The following FEM1A variants were observed in gnomAD, a reference collection of about 807,000 sequenced individuals.
FEM1A encodes fem-1 homolog A.
In FEM1A, 1 loss-of-function variant was observed where a neutral mutation model predicts 0.7. The observed-to-expected ratio is 1.35, with a 90% CI of 0.48 to 6.40. FEM1A has a LOEUF of 6.40. FEM1A is among the 30% of genes most tolerant of loss of function. The pLI is 0.14. For missense variants in FEM1A, 721 were observed against 918.7 expected (o/e 0.78, Z 2.78); for synonymous variants, 391 against 420.6 (o/e 0.93, Z 0.86).
chr19:4,799,923 A>AAAAATAAAAT lies in FEM1A; in HGVS notation c.*6063_*6064insTAAAATAAAA, dbSNP rs2093566478. 1 of 146,074 alleles carries AAAAATAAAAT rather than the reference A, an allele frequency of 6.8e-6. No homozygotes were observed. Among genetic ancestry groups the AAAAATAAAAT allele is most frequent in the African/African-American group, 2.5e-5 (1 of 39,564 alleles). The allele number at this position is 146,074 out of a possible 1,614,324, so 9.0% of individuals were successfully genotyped here. On this transcript the variant is annotated 3_prime_UTR_variant, in exon 1 of 1. Transcript: ENST00000269856. ...CTGTCTCAAAAAAAAAAAAAAAAAA[A>AAAAATAAAAT]AAAAAAAAAATGGGGCCATCAATGC...
rs34120144 is a variant in FEM1A at position 4,795,702 on chromosome 19, CTTT to C, written c.*1851_*1853del. 6 of 137,358 alleles carry C rather than the reference CTTT, an allele frequency of 4.4e-5. No homozygotes were observed. Among genetic ancestry groups the C allele is most frequent in the Admixed American group, 7.4e-5 (1 of 13,480 alleles). 8.5% of individuals were successfully genotyped at this position (137,358 alleles called of 1,614,324 possible). A position where few individuals can be genotyped will look rare whatever the true frequency, so the allele number is the denominator to read the frequency against. On this transcript the variant is annotated 3_prime_UTR_variant, in exon 1 of 1. Transcript: ENST00000269856. ...GGGGTTTCTGTGTTACATACTGGGGCTTTTTTTTTTTTTTTGAGACAGAGTCTC... is the reference window on the plus strand; with the variant it reads ...GGGGTTTCTGTGTTACATACTGGGGCTTTTTTTTTTTTGAGACAGAGTCTC...
Position 4,798,420 on chromosome 19 carries a change from A to G in FEM1A, c.*4556A>G, listed in dbSNP as rs2093564207. ...TCAGGAGACCAAGACCATCCTGGCT[A>G]ACACGGTGAAACCCCGTCTCTCTAC... On this transcript the variant is annotated 3_prime_UTR_variant, in exon 1 of 1. Coordinates refer to ENST00000269856, the MANE Select transcript of FEM1A (RefSeq NM_018708.3). 7.0e-6 allele frequency: 1 copy of G among 142,416 alleles called. No homozygotes were observed. The highest frequency in any genetic ancestry group is 1.5e-5 in the Non-Finnish European group (1 of 64,864). The allele number at this position is 142,416 out of a possible 1,614,324, so 8.8% of individuals were successfully genotyped here. A position where few individuals can be genotyped will look rare whatever the true frequency, so the allele number is the denominator to read the frequency against.
In FEM1A at chr19:4,792,889, C is replaced by G. The variant is rs2093556317; in HGVS notation, c.1035C>G (p.Val345=). 6.2e-7 allele frequency: 1 copy of G among 1,612,270 alleles called. No individual in the cohort carries two copies. Among genetic ancestry groups the G allele is most frequent in the African/African-American group, 1.3e-5 (1 of 74,878 alleles). ...YLPKPEPPQL[V]LAYDYSREVN... is the part of the protein sequence containing the mutation. The stretch of plus-strand genomic sequence containing the variant: ...CCAAACCGGAGCCCCCACAGCTGGT[C>G]CTGGCCTATGACTATTCCAGGGAGG... The change falls in exon 1 of 1, where the codon GTC becomes GTG. Residue 345 remains valine (V), a synonymous_variant. Coordinates refer to ENST00000269856, the MANE Select transcript of FEM1A (RefSeq NM_018708.3). The surrounding 1 kb of genome is among the most constrained non-coding windows in gnomAD (Gnocchi z 6.7).
In FEM1A at chr19:4,793,595, A is replaced by G. The variant is rs1247366576; in HGVS notation, c.1741A>G (p.Asn581Asp). Residue 581 changes from asparagine (N) to aspartate (D), a missense_variant, in exon 1 of 1, where the codon AAC becomes GAC. By Grantham distance (23) the Asn-to-Asp change is conservative. Around this residue, in one of 4 missense-constraint regions of FEM1A, gnomAD observed 379 missense variants for 454.8 expected, o/e 0.83. Coordinates refer to ENST00000269856, the MANE Select transcript of FEM1A (RefSeq NM_018708.3). This position sits in a 1 kb window ranked among gnomAD's most constrained non-coding sequence, Gnocchi z 5.1. ...GADPDSRDFD[N>D]NTPLHIAAQN... The stretch of plus-strand genomic sequence containing the variant: ...CGACCCGGACAGCAGGGATTTTGAC[A>G]ACAACACCCCGCTACACATAGCAGC... 6.2e-7 allele frequency: 1 copy of G among 1,612,800 alleles called. No homozygotes were observed. The highest frequency in any genetic ancestry group is 8.5e-7 in the Non-Finnish European group (1 of 1,179,812).
At position 4,798,944 on chromosome 19, in the gene FEM1A, G is replaced by A. The variant is rs1262897473; in HGVS notation, c.*5080G>A. 1 of 152,132 alleles carries A rather than the reference G, an allele frequency of 6.6e-6. No individual in the cohort carries two copies. The highest frequency in any genetic ancestry group is 2.4e-5 in the African/African-American group (1 of 41,400). The allele number at this position is 152,132 out of a possible 1,614,324, so 9.4% of individuals were successfully genotyped here. A position where few individuals can be genotyped will look rare whatever the true frequency, so the allele number is the denominator to read the frequency against. Reference sequence around the variant, plus strand: ...CTCAGACCTGGGGATTGTAACTTTAGCCTCATACCTTCTAATGAAGGCCAT... The same window carrying A: ...CTCAGACCTGGGGATTGTAACTTTAACCTCATACCTTCTAATGAAGGCCAT... On this transcript the variant is annotated 3_prime_UTR_variant, in exon 1 of 1. Transcript: ENST00000269856.
chr19:4,793,678 C>T lies in FEM1A; in HGVS notation c.1824C>T (p.Asp608=), dbSNP rs1285564790. The T allele has an allele frequency of 1.9e-6, 3 of 1,613,020 alleles. No individual in the cohort carries two copies. The highest frequency in any genetic ancestry group is 2.5e-6 in the Non-Finnish European group (3 of 1,179,822). ...NALIEAGAHM[D]ATNAFKKTAY... is the part of the protein sequence containing the mutation. ...TGATCGAAGCAGGGGCCCACATGGA[C>T]GCCACCAATGCCTTCAAGAAGACGG... is the stretch of plus-strand genomic sequence containing the variant. The change falls in exon 1 of 1, where the codon GAC becomes GAT. Residue 608 remains aspartate, a synonymous_variant. Transcript: ENST00000269856. This position sits in a 1 kb window ranked among gnomAD's most constrained non-coding sequence, Gnocchi z 5.1.
rs1456304807 is a variant in FEM1A, at chr19:4,800,438, A to C, written c.*6574A>C. 5.9e-5 allele frequency: 9 copies of C among 152,406 alleles called. No homozygotes were observed. The highest frequency in any genetic ancestry group is 5.9e-4 in the Admixed American group (9 of 15,278). 9.4% of individuals were successfully genotyped at this position (152,406 alleles called of 1,614,324 possible). Reference sequence around the variant, plus strand: ...CGACTGCCCTTCCCAGCCTGCTGCCAGTCTGATTCCACAGAACTGAAGTCG... The same window carrying C: ...CGACTGCCCTTCCCAGCCTGCTGCCCGTCTGATTCCACAGAACTGAAGTCG... On this transcript the variant is annotated 3_prime_UTR_variant, in exon 1 of 1. Coordinates refer to ENST00000269856, the MANE Select transcript of FEM1A (RefSeq NM_018708.3).
In FEM1A at chr19:4,796,931, A is replaced by G. The variant is rs192020110; in HGVS notation, c.*3067A>G. 1.4e-4 allele frequency: 22 copies of G among 152,214 alleles called. No homozygotes were observed. The highest frequency in any genetic ancestry group is 3.4e-3 in the Middle Eastern group (1 of 294). The allele number at this position is 152,214 out of a possible 1,614,324, so 9.4% of individuals were successfully genotyped here. Reference sequence around the variant, plus strand: ...TGTATGCCTGTTTGGTGTTGCATCAAAGGAGTGGGTTTGAATCAGCAGGTG... The same window carrying G: ...TGTATGCCTGTTTGGTGTTGCATCAGAGGAGTGGGTTTGAATCAGCAGGTG... On this transcript the variant is annotated 3_prime_UTR_variant, in exon 1 of 1. Transcript: ENST00000269856.
In FEM1A at chr19:4,792,830, A is replaced by G. The variant is rs1405428500; in HGVS notation, c.976A>G (p.Met326Val). ...GGCCCTTAAACACTGGAGGCGGGCC[A>G]TGGAGCTGCGTCACCAGGGGGGCGA... Reference protein sequence around the residue: ...LGALKHWRRAMELRHQGGEYL... With the variant: ...LGALKHWRRAVELRHQGGEYL... Residue 326 changes from methionine (M) to valine (V), a missense_variant, in exon 1 of 1, where the codon ATG becomes GTG. This residue lies in a region of FEM1A where 379 missense variants were observed against 454.8 expected (regional missense o/e 0.83). Coordinates refer to ENST00000269856, the MANE Select transcript of FEM1A (RefSeq NM_018708.3). The surrounding 1 kb of genome is among the most constrained non-coding windows in gnomAD (Gnocchi z 6.7). 1.2e-6 allele frequency: 2 copies of G among 1,612,056 alleles called. No homozygotes were observed. Among genetic ancestry groups the G allele is most frequent in the Admixed American group, 1.7e-5 (1 of 59,984 alleles).
chr19:4,799,918 A>AAAAAAAAAAAT lies in FEM1A; in HGVS notation c.*6064_*6065insTAAAAAAAAAA, dbSNP rs1568361660. The AAAAAAAAAAAT allele has an allele frequency of 4.6e-4, 67 of 145,110 alleles. No individual in the cohort carries two copies. The highest frequency in any genetic ancestry group is 1.7e-3 in the African/African-American group (66 of 39,458). 9.0% of individuals were successfully genotyped at this position (145,110 alleles called of 1,614,324 possible). A position where few individuals can be genotyped will look rare whatever the true frequency, so the allele number is the denominator to read the frequency against. ...AGACTCTGTCTCAAAAAAAAAAAAA[A>AAAAAAAAAAAT]AAAAAAAAAAAAAAATGGGGCCATC... On this transcript the variant is annotated 3_prime_UTR_variant, in exon 1 of 1. Coordinates refer to ENST00000269856, the MANE Select transcript of FEM1A (RefSeq NM_018708.3).
Position 4,799,183 on chromosome 19 carries a change from G to A in FEM1A, c.*5319G>A, listed in dbSNP as rs1005173560. The A allele has an allele frequency of 6.6e-6, 1 of 152,252 alleles. No individual in the cohort carries two copies. Among genetic ancestry groups the A allele is most frequent in the African/African-American group, 2.4e-5 (1 of 41,416 alleles). The allele number at this position is 152,252 out of a possible 1,614,324, so 9.4% of individuals were successfully genotyped here. ...TAATTCCAGCACTTTGGGAGACCGA[G>A]GCAGGTGGATCACGAGGTCAGGAGT... On this transcript the variant is annotated 3_prime_UTR_variant, in exon 1 of 1. Coordinates refer to ENST00000269856, the MANE Select transcript of FEM1A (RefSeq NM_018708.3).
Position 4,792,760 on chromosome 19 carries a change from A to G in FEM1A, c.906A>G (p.Glu302=). The G allele has an allele frequency of 6.2e-7, 1 of 1,612,066 alleles. No homozygotes were observed. Among genetic ancestry groups the G allele is most frequent in the South Asian group, 1.1e-5 (1 of 90,998 alleles). The change falls in exon 1 of 1, where the codon GAA becomes GAG. Residue 302 remains glutamate (E), a synonymous_variant. Transcript: ENST00000269856. The surrounding 1 kb of genome is among the most constrained non-coding windows in gnomAD (Gnocchi z 6.7). ...GGGAAGCTGCCGTGGAAGCCTTGGA[A>G]TTGCTGGGAGCTACGTATGTGGATA... The part of the protein sequence containing the change: ...TSREAAVEAL[E]LLGATYVDKK...
At position 4,791,945 on chromosome 19, in the gene FEM1A, C is replaced by T. The variant is rs1297596689; in HGVS notation, c.91C>T (p.Leu31=). The change falls in exon 1 of 1, where the codon CTG becomes TTG. Residue 31 remains leucine (L), a synonymous_variant. Coordinates refer to ENST00000269856, the MANE Select transcript of FEM1A (RefSeq NM_018708.3). Reference sequence around the variant, plus strand: ...GCTCAGCGGCCGGAGCCGGGAGGAACTGGACGAGCTGACGGGCGAGGTGGC... The same window carrying T: ...GCTCAGCGGCCGGAGCCGGGAGGAATTGGACGAGCTGACGGGCGAGGTGGC... ...KLLSGRSREE[L]DELTGEVAGG... 4 of 1,531,134 alleles carry T rather than the reference C, an allele frequency of 2.6e-6. No individual in the cohort carries two copies. The East Asian group carries it at 7.4e-5, about 28-fold the overall frequency. The allele number at this position is 1,531,134 out of a possible 1,614,324, so 94.8% of individuals were successfully genotyped here.
Position 4,793,297 on chromosome 19 carries a change from GCC to G in FEM1A, c.1445_1446del (p.Pro482GlnfsTer98). On this transcript the variant is annotated frameshift_variant, in exon 1 of 1. Transcript: ENST00000269856. LOFTEE classifies it low-confidence loss of function (END_TRUNC). The surrounding 1 kb of genome is among the most constrained non-coding windows in gnomAD (Gnocchi z 5.1). Reference sequence around the variant, plus strand: ...GGGAAGTGGAACGGGCCCTGCAGCTGCCCAGGGAGCCCGGAGACTCAGCCCAG... The same window carrying G: ...GGGAAGTGGAACGGGCCCTGCAGCTGCAGGGAGCCCGGAGACTCAGCCCAG... ...VREVERALQL[P>X]REPGDSAQFT... 6.2e-7 allele frequency: 1 copy of G among 1,612,966 alleles called. No homozygotes were observed. The highest frequency in any genetic ancestry group is 8.5e-7 in the Non-Finnish European group (1 of 1,179,888).
rs2093559503 is a variant in FEM1A, at chr19:4,795,012, C to G, written c.*1148C>G. 6.0e-6 allele frequency: 1 copy of G among 166,938 alleles called. No homozygotes were observed. The highest frequency in any genetic ancestry group is 2.4e-5 in the African/African-American group (1 of 41,394). The allele number at this position is 166,938 out of a possible 1,614,324, so 10.3% of individuals were successfully genotyped here. On this transcript the variant is annotated 3_prime_UTR_variant, in exon 1 of 1. Transcript: ENST00000269856. ...TTTCAGCTGCTCCAAGGATTGAGAC[C>G]CAAGTCATCATGAAAAAGGCCCAAG...
chr19:4,796,628 T>A lies in FEM1A; in HGVS notation c.*2764T>A, dbSNP rs1419014627. The stretch of plus-strand genomic sequence containing the variant: ...CACCCCGTTAGCTGGGTCCATGGGA[T>A]TTTGCTGAGCCCCTGCCATGTGCCA... On this transcript the variant is annotated 3_prime_UTR_variant, in exon 1 of 1. Coordinates refer to ENST00000269856, the MANE Select transcript of FEM1A (RefSeq NM_018708.3). The A allele has an allele frequency of 6.6e-6, 1 of 152,202 alleles. No homozygotes were observed. The allele number at this position is 152,202 out of a possible 1,614,324, so 9.4% of individuals were successfully genotyped here. A position where few individuals can be genotyped will look rare whatever the true frequency, so the allele number is the denominator to read the frequency against.
Position 4,792,705 on chromosome 19 carries a change from A to C in FEM1A, c.851A>C (p.Glu284Ala), listed in dbSNP as rs777884639. Reference protein sequence around the residue: ...SSSPEEPLNGESYESCCPTSR... With the variant: ...SSSPEEPLNGASYESCCPTSR... ...TCCCCAGAGGAACCACTGAACGGGG[A>C]ATCTTACGAAAGCTGCTGTCCCACC... Residue 284 changes from glutamate to alanine, a missense_variant, in exon 1 of 1, where the codon GAA becomes GCA. Coordinates refer to ENST00000269856, the MANE Select transcript of FEM1A (RefSeq NM_018708.3). This position sits in a 1 kb window ranked among gnomAD's most constrained non-coding sequence, Gnocchi z 6.7. The C allele has an allele frequency of 1.9e-6, 3 of 1,612,084 alleles. No individual in the cohort carries two copies. The highest frequency in any genetic ancestry group is 2.5e-6 in the Non-Finnish European group (3 of 1,179,844).
rs1044409 is a variant in FEM1A, at chr19:4,795,330, G to A, written c.*1466G>A. On this transcript the variant is annotated 3_prime_UTR_variant, in exon 1 of 1. Transcript: ENST00000269856. ...GCCCTTAGGAGGAGCAGTGACCGGGGGTGTCCAGAAATATCCTGTCCCTGG... is the reference window on the plus strand; with the variant it reads ...GCCCTTAGGAGGAGCAGTGACCGGGAGTGTCCAGAAATATCCTGTCCCTGG... The A allele has an allele frequency of 0.21, 34,798 of 166,244 alleles. 3,970 individuals carry two copies. Among genetic ancestry groups the A allele is most frequent in the African/African-American group, 0.28 (11,486 of 41,150 alleles). 10.3% of individuals were successfully genotyped at this position (166,244 alleles called of 1,614,324 possible).
chr19:4,791,908 G>A lies in FEM1A; in HGVS notation c.54G>A (p.Leu18=), dbSNP rs541239969. 7 of 1,523,922 alleles carry A rather than the reference G, an allele frequency of 4.6e-6. No homozygotes were observed. Among genetic ancestry groups the A allele is most frequent in the African/African-American group, 4.2e-5 (3 of 71,430 alleles). 94.4% of individuals were successfully genotyped at this position (1,523,922 alleles called of 1,614,324 possible). A position where few individuals can be genotyped will look rare whatever the true frequency, so the allele number is the denominator to read the frequency against. The change falls in exon 1 of 1, where the codon CTG becomes CTA. Residue 18 remains leucine, a synonymous_variant. Transcript: ENST00000269856. ...YNAARDGKLQ[L]LQKLLSGRSR... ...CCGCCCGTGATGGCAAGCTGCAGCT[G>A]CTCCAGAAGCTGCTCAGCGGCCGGA...
Sources: gnomAD v4.1 joint callset for allele counts on GRCh38, gnomAD v4.1.1 for gene constraint, gnomAD v4.1.1 regional missense constraint, Gnocchi (gnomAD v3.1) non-coding constraint, MANE v1.5 for transcripts, NCBI Gene and HGNC (gene_info 2026-07-23, HGNC 2026-07-21) for gene names.